BEND7: variants seen among roughly 807,000 people sequenced by gnomAD.
BEND7 encodes the protein BEN domain containing 7.
In BEND7, 28 loss-of-function variants were observed where a neutral mutation model predicts 50.9. The ratio of observed to expected loss-of-function variants is 0.55; its 90% CI spans 0.41 to 0.75. BEND7 has a LOEUF of 0.75. Ranked by LOEUF, BEND7 falls within the 30% of genes least tolerant of loss-of-function variation. The pLI, the probability that BEND7 is intolerant of heterozygous loss-of-function variation, is 0.00. For missense variants in BEND7, 477 were observed against 491.3 expected (o/e 0.97, Z 0.28); for synonymous variants, 170 against 183.9 (o/e 0.92, Z 0.61).
At chr10:13,469,823 C>G (rs772181012) in intron 6 of BEND7, among the ~76,000 whole-genome samples, 1 of 152,172 alleles carries the variant, frequency 6.6e-6, no homozygotes, top group African/African-American at 2.4e-5. Context: ...CTTGCATACA[C>G]TTTTAGTTTT....
At chr10:13,450,429 C>T (rs1302031423) in intron 7 of BEND7, among the ~76,000 whole-genome samples, 1 of 152,306 alleles carries the variant, frequency 6.6e-6, no homozygotes, top group East Asian at 1.9e-4. Flanking sequence ...GAAGGAAATA[C>T]AAGTGGTTCT....
chr10:13,474,427 G>A lies in BEND7; in HGVS notation c.1063+6472C>T, dbSNP rs755703835. On this transcript the variant is annotated intron_variant, in intron 6 of 8. Coordinates refer to ENST00000466271, the MANE Select transcript of BEND7 (RefSeq NM_001369863.1). ...GATATCTGTCATGACTGTTAGACTC[G>A]GGGCCGATATCTGTCATCACTGTTA... Among the ~76,000 whole-genome samples, 28 of 152,200 alleles carry A rather than the reference G, an allele frequency of 1.8e-4. 1 individual carries two copies. Among genetic ancestry groups the A allele is most frequent in the Admixed American group, 9.8e-4 (15 of 15,304 alleles).
In BEND7 at chr10:13,500,861, A is replaced by T. The variant is rs1588973305; in HGVS notation, c.146-781T>A. 3 of 984,978 alleles carry T rather than the reference A, an allele frequency of 3.0e-6. No homozygotes were observed. In the East Asian group the frequency reaches 3.4e-4, roughly 112 times the overall value. 61.0% of individuals were successfully genotyped at this position (984,978 alleles called of 1,614,324 possible). ...GGAAGGGCGGAAGTGCAACCTCCCC[A>T]CCGTGCCCTCCTCCCATGCCAAACG... On this transcript the variant is annotated intron_variant, in intron 2 of 8. Coordinates refer to ENST00000466271, the MANE Select transcript of BEND7 (RefSeq NM_001369863.1).
intron 6 of BEND7, among the ~76,000 whole-genome samples, chr10:13,468,258 A>C (rs1305869464): frequency 1.3e-5 from 2 of 152,196 alleles, no homozygotes; most frequent in Non-Finnish European, 2.9e-5. Flanking sequence ...AGGTTAGGGC[A>C]TCTGAAAAAG....
Position 13,481,055 on chromosome 10 carries a change from T to C in BEND7, c.907A>G (p.Asn303Asp). ...PKSQLDSILSNYTRSGSLLFR... is the reference protein window; with the variant it reads ...PKSQLDSILSDYTRSGSLLFR... ...AGAAGGCTTCCTGAGCGAGTGTAGT[T>C]TGACAATATAGAGTCCAGCTGAGAT... Residue 303 changes from asparagine to aspartate, a missense_variant, in exon 6 of 9, where the codon AAC (asparagine) becomes GAC (aspartate). Around this residue, in one of 3 missense-constraint regions of BEND7, gnomAD observed 396 missense variants for 384.2 expected, o/e 1.03. Transcript: ENST00000466271. The C allele has an allele frequency of 6.2e-7, 1 of 1,614,146 alleles. No individual in the cohort carries two copies. The highest frequency in any genetic ancestry group is 8.5e-7 in the Non-Finnish European group (1 of 1,180,028).
At chr10:13,456,709 T>C (rs1477205956) in intron 6 of BEND7, among the ~76,000 whole-genome samples, 1 of 152,200 alleles carries the variant, frequency 6.6e-6, no homozygotes, top group East Asian at 1.9e-4. Context: ...TTCATCTCTT[T>C]TGTCTCCCTC....
intron 2 of BEND7, among the ~76,000 whole-genome samples, chr10:13,510,394 T>C (rs1161204028): frequency 8.5e-5 from 13 of 152,186 alleles, no homozygotes; most frequent in Admixed American, 8.5e-4. Flanking sequence ...TGGGGCAGAA[T>C]ATGGGAATTC....
intron 6 of BEND7, among the ~76,000 whole-genome samples, chr10:13,455,830 T>C (rs1486316164): frequency 2.4e-4 from 37 of 151,720 alleles, no homozygotes; most frequent in Admixed American, 2.4e-3. Flanking sequence ...CTCTGGAGGA[T>C]GGAGGGTGTA....
intron 2 of BEND7, among the ~76,000 whole-genome samples, chr10:13,506,144 C>T (rs982238834): frequency 2.0e-5 from 3 of 152,176 alleles, no homozygotes; most frequent in Admixed American, 2.0e-4. Flanking sequence ...TCCCGGCCCA[C>T]TGACCCCTGC....
intron 5 of BEND7, among the ~76,000 whole-genome samples, chr10:13,482,294 A>G (rs2075921735): frequency 6.6e-6 from 1 of 152,228 alleles, no homozygotes; most frequent in Non-Finnish European, 1.5e-5. Context: ...CTGTAAAATA[A>G]TAACTTTAAT....
intron 2 of BEND7, chr10:13,500,425 T>C (rs6602661): frequency 0.56 from 433,947 of 774,526 alleles, 123,445 homozygotes; most frequent in Non-Finnish European, 0.58. Flanking sequence ...AGGTCAAGGA[T>C]AGAACTGGAC....
In BEND7 at chr10:13,526,841, A is replaced by T. The variant is rs1160941984; in HGVS notation, c.62-620T>A. On this transcript the variant is annotated intron_variant, in intron 1 of 8. Coordinates refer to ENST00000466271, the MANE Select transcript of BEND7 (RefSeq NM_001369863.1). ...TCTAAAACTGCACCTGCAGAGAAAG[A>T]GAAGAATCAGACCTATAATTAAAAG... Among the ~76,000 whole-genome samples, 3 of 152,368 alleles carry T rather than the reference A, an allele frequency of 2.0e-5. No homozygotes were observed. The East Asian group carries it at 5.8e-4, about 29-fold the overall frequency.
At chr10:13,486,418 G>A (rs202084483) in intron 5 of BEND7, among the ~76,000 whole-genome samples, 4 of 152,356 alleles carry the variant, frequency 2.6e-5, no homozygotes, top group African/African-American at 7.2e-5. Context: ...CAGCATGGCT[G>A]TTCCTGTTGA....
intron 6 of BEND7, among the ~76,000 whole-genome samples, chr10:13,454,761 C>T (rs953034453): frequency 2.0e-5 from 3 of 152,058 alleles, no homozygotes; most frequent in South Asian, 2.1e-4. Flanking sequence ...AATCTGTGGA[C>T]GTGGAACCTG....
At chr10:13,529,625 GCAGGGCA>G (rs568044915), upstream of BEND7, among the ~76,000 whole-genome samples, 25 of 152,292 alleles carry the variant, frequency 1.6e-4, no homozygotes, top group South Asian at 5.0e-3. Flanking sequence ...CAAGGCAGGT[GCAGGGCA>G]CTATGCTTCT....
intron 8 of BEND7, chr10:13,445,326 C>A (rs1050851963): frequency 8.5e-5 from 13 of 152,158 alleles, no homozygotes; most frequent in African/African-American, 3.1e-4. Context: ...TGACGACGAA[C>A]ATTTTAATTG....
chr10:13,457,953 A>G (rs992180869), intron 6 of BEND7, among the ~76,000 whole-genome samples: 1 of 152,264 alleles, frequency 6.6e-6, no homozygotes, highest in Non-Finnish European at 1.5e-5. Flanking sequence ...CTATTTTAAT[A>G]TATGAAGAAG....
intron 2 of BEND7, among the ~76,000 whole-genome samples, chr10:13,510,965 G>C (rs1051658407): frequency 6.6e-6 from 1 of 152,142 alleles, no homozygotes; most frequent in Non-Finnish European, 1.5e-5. Context: ...ATCACTTGAG[G>C]TCAGGTGTTC....
At chr10:13,453,673 A>C (rs182242866) in intron 6 of BEND7, among the ~76,000 whole-genome samples, 20 of 152,306 alleles carry the variant, frequency 1.3e-4, no homozygotes, top group African/African-American at 4.8e-4. Context: ...AAATGGGCAA[A>C]AAATATTAGG....
Sources: allele counts gnomAD v4.1 joint callset (sites outside exome capture counted in the v4.1 genomes callset), GRCh38; gene constraint gnomAD v4.1.1; regional missense constraint gnomAD v4.1.1; transcripts MANE v1.5; gene names NCBI Gene and HGNC (gene_info 2026-07-23, HGNC 2026-07-21).